USP37: variants seen among roughly 807,000 people sequenced by gnomAD.
The protein encoded by USP37 is ubiquitin specific peptidase 37.
A neutral mutation model predicts 124.0 loss-of-function variants in USP37; 27 were observed. The observed-to-expected ratio is 0.22, with a 90% CI of 0.16 to 0.30. The LOEUF (loss-of-function observed/expected upper bound fraction) is 0.30, where lower values mean the gene tolerates loss of function less well. USP37 is among the 10% of genes least tolerant of loss of function. The probability of loss-of-function intolerance (pLI) is 1.00; values close to 1 mark genes in which losing one functional copy is unlikely to be tolerated. For synonymous variants in USP37, 365 were observed against 388.0 expected, an observed-to-expected ratio of 0.94 and a Z score of 0.70; for missense variants, 889 against 1,140.4, an observed-to-expected ratio of 0.78 and a Z score of 3.17.
chr2:218,468,443 G>A (rs1395902144), intron 20 of USP37, among the ~76,000 whole-genome samples: 4 of 151,742 alleles, frequency 2.6e-5, no homozygotes, highest in Non-Finnish European at 5.9e-5. Flanking sequence ...GGCTGGTCTC[G>A]AACTCCTGAC....
intron 13 of USP37, among the ~76,000 whole-genome samples, chr2:218,497,405 A>T (rs1411069573): frequency 6.7e-5 from 10 of 149,316 alleles, no homozygotes; most frequent in African/African-American, 1.7e-4. Context: ...TTATTTATTT[A>T]TTTTTTGAGA....
chr2:218,513,211 T>C (rs1250530200), intron 10 of USP37, among the ~76,000 whole-genome samples: 1 of 152,032 alleles, frequency 6.6e-6, no homozygotes, highest in African/African-American at 2.4e-5. Context: ...TTGTATTTTT[T>C]TGAAGAGATG....
At chr2:218,463,668 T>C (rs1275247494) in intron 21 of USP37, among the ~76,000 whole-genome samples, 1 of 151,134 alleles carries the variant, frequency 6.6e-6, no homozygotes, top group Non-Finnish European at 1.5e-5. Context: ...CCCAAGTAGC[T>C]GGGACTACAG....
intron 11 of USP37, among the ~76,000 whole-genome samples, chr2:218,508,728 A>G (rs1215899402): frequency 1.3e-5 from 2 of 152,210 alleles, no homozygotes; most frequent in African/African-American, 4.8e-5. Context: ...ATCATAGAAG[A>G]GTAGAAAAGA....
intron 14 of USP37, among the ~76,000 whole-genome samples, chr2:218,492,962 G>A (rs1688874765): frequency 6.6e-6 from 1 of 151,852 alleles, no homozygotes; most frequent in Non-Finnish European, 1.5e-5. Context: ...AGCTATGACT[G>A]CACCACTGCA....
rs934775922 is a variant in USP37 at position 218,453,146 on chromosome 2, G to C, written c.*1784C>G. On this transcript the variant is annotated 3_prime_UTR_variant, in exon 26 of 26. Coordinates refer to ENST00000258399, the MANE Select transcript of USP37 (RefSeq NM_020935.3). Reference sequence around the variant, plus strand: ...ATTCAAAGAATGAAAACTTAGAATAGTTTACTACATTAGAATACATCCAAG... The same window carrying C: ...ATTCAAAGAATGAAAACTTAGAATACTTTACTACATTAGAATACATCCAAG... 6 of 152,178 alleles carry C rather than the reference G, an allele frequency of 3.9e-5. No homozygotes were observed. The South Asian group carries it at 1.2e-3, about 32-fold the overall frequency. 9.4% of individuals were successfully genotyped at this position (152,178 alleles called of 1,614,324 possible). A position where few individuals can be genotyped will look rare whatever the true frequency, so the allele number is the denominator to read the frequency against.
intron 21 of USP37, among the ~76,000 whole-genome samples, chr2:218,463,958 C>T (rs548521): frequency 0.47 from 69,438 of 149,056 alleles, 19,248 homozygotes; most frequent in East Asian, 0.78. Context: ...CAGGTTCAAG[C>T]GATTCTCCTG....
Position 218,451,588 on chromosome 2 carries a change from ATG to A in USP37, c.*3340_*3341del, listed in dbSNP as rs1689480759. On this transcript the variant is annotated 3_prime_UTR_variant, in exon 26 of 26. Transcript: ENST00000258399. ...TAATTTTCATTATATCCGTAGCTGT[ATG>A]TGTGTATAGTTACATAATGGTAACT... The A allele has an allele frequency of 6.9e-6, 1 of 144,838 alleles. No individual in the cohort carries two copies. 9.0% of individuals were successfully genotyped at this position (144,838 alleles called of 1,614,324 possible). A position where few individuals can be genotyped will look rare whatever the true frequency, so the allele number is the denominator to read the frequency against.
chr2:218,544,694 G>A (rs1457553304), intron 8 of USP37, among the ~76,000 whole-genome samples: 3 of 152,156 alleles, frequency 2.0e-5, no homozygotes, highest in Non-Finnish European at 4.4e-5. Flanking sequence ...CAGACTGCTA[G>A]ATGGGCTAAC....
intron 8 of USP37, among the ~76,000 whole-genome samples, chr2:218,543,189 G>T (rs1692080998): frequency 6.6e-6 from 1 of 152,070 alleles, no homozygotes; most frequent in African/African-American, 2.4e-5. Flanking sequence ...AAGCTAATCA[G>T]CTTGCAATCA....
At chr2:218,477,070 C>T in intron 18 of USP37, 89 bp from the exon 19 acceptor site, 1 of 1,348,632 alleles carries the variant, frequency 7.4e-7, no homozygotes, top group Admixed American at 3.3e-5. Context: ...ATTGCTTTTC[C>T]ATTACGGAAA....
intron 14 of USP37, among the ~76,000 whole-genome samples, chr2:218,491,924 G>GT (rs1214159293): frequency 6.6e-6 from 1 of 152,190 alleles, no homozygotes; most frequent in Non-Finnish European, 1.5e-5. Flanking sequence ...TGGGGGCCAG[G>GT]TGTGGGGGCT....
chr2:218,557,737 A>C (rs74860380), intron 4 of USP37, among the ~76,000 whole-genome samples: 1 of 90,850 alleles, frequency 1.1e-5, no homozygotes, highest in Non-Finnish European at 2.2e-5. Context: ...GACCAGCCTG[A>C]CCAACATGGT....
chr2:218,500,104 T>G (rs1689294807), intron 11 of USP37, among the ~76,000 whole-genome samples: 1 of 151,810 alleles, frequency 6.6e-6, no homozygotes. Flanking sequence ...AGACAGAGTC[T>G]TGCTCTGTTG....
intron 9 of USP37, among the ~76,000 whole-genome samples, chr2:218,532,670 C>T (rs1417944273): frequency 6.6e-6 from 1 of 151,992 alleles, no homozygotes; most frequent in African/African-American, 2.4e-5. Flanking sequence ...TGGGTCCTGC[C>T]TGTAACTCCA....
At chr2:218,561,652 GAA>G (rs34361610) in intron 2 of USP37, among the ~76,000 whole-genome samples, 195 of 135,586 alleles carry the variant, frequency 1.4e-3, no homozygotes, top group African/African-American at 2.5e-3. Flanking sequence ...CTCTGTCTCA[GAA>G]AAAAAAAAAA....
chr2:218,469,940 C>A (rs1690581909), intron 20 of USP37, among the ~76,000 whole-genome samples: 1 of 151,590 alleles, frequency 6.6e-6, no homozygotes, highest in Non-Finnish European at 1.5e-5. Flanking sequence ...CCTGCCTCAG[C>A]CTCCCAAGTA....
chr2:218,455,609 C>G lies in USP37; in HGVS notation c.2823G>C (p.Arg941=). 1.2e-6 allele frequency: 2 copies of G among 1,613,966 alleles called. No individual in the cohort carries two copies. Among genetic ancestry groups the G allele is most frequent in the Non-Finnish European group, 1.7e-6 (2 of 1,179,964 alleles). ...GCATATAAAAGAAGATGTAGCCACT[C>G]CGATCTCGATCACTCTGCACGGCAG... is the stretch of plus-strand genomic sequence containing the variant. ...QEAAVQSDRD[R]SGYIFFYMHK... The change falls in exon 25 of 26, where the codon CGG becomes CGC. Residue 941 remains arginine (R), a synonymous_variant. Coordinates refer to ENST00000258399, the MANE Select transcript of USP37 (RefSeq NM_020935.3).
chr2:218,485,603 T>A, intron 16 of USP37, 61 bp downstream of exon 16: 1 of 1,452,850 alleles, frequency 6.9e-7, no homozygotes. Flanking sequence ...TGAAAAGCAA[T>A]TAAATGTACC....
Sources: allele counts gnomAD v4.1 joint callset (sites outside exome capture counted in the v4.1 genomes callset), GRCh38; gene constraint gnomAD v4.1.1; transcripts MANE v1.5; gene names NCBI Gene and HGNC (gene_info 2026-07-23, HGNC 2026-07-21).